NTSR1: variants seen among roughly 807,000 people sequenced by gnomAD.
NTSR1 encodes neurotensin receptor 1, also known as neurotensin receptor type 1.
NTSR1 carries 29 observed loss-of-function variants against 31.2 expected under a neutral mutation model. That is an observed-to-expected ratio of 0.93 (90% CI 0.69 to 1.27). NTSR1 has a LOEUF of 1.27. NTSR1 is among the 50% of genes most tolerant of loss of function. The pLI is 0.00. For synonymous variants in NTSR1, 282 were observed against 269.9 expected (o/e 1.04, Z -0.44); for missense variants, 697 against 595.4 (o/e 1.17, Z -1.78).
chr20:62,727,979 G>A (rs558057298), intron 1 of NTSR1, among the ~76,000 whole-genome samples: 1 of 152,384 alleles, frequency 6.6e-6, no homozygotes, highest in Non-Finnish European at 1.5e-5. Context: ...TGGGGACCCA[G>A]CGAGGCCTCA....
chr20:62,731,421 AT>A (rs1266363055), intron 1 of NTSR1, among the ~76,000 whole-genome samples: 5 of 151,948 alleles, frequency 3.3e-5, no homozygotes, highest in African/African-American at 4.8e-5. Context: ...CAGCTTATTC[AT>A]TTTTTTTGTG....
Position 62,711,882 on chromosome 20 carries a change from C to T in NTSR1, c.714+1961C>T, listed in dbSNP as rs376935673. 1.1e-3 allele frequency among the ~76,000 whole-genome samples: 170 copies of T among 152,340 alleles called. No individual in the cohort carries two copies. Among genetic ancestry groups the T allele is most frequent in the African/African-American group, 4.1e-3 (169 of 41,582 alleles). On this transcript the variant is annotated intron_variant, in intron 1 of 3. Transcript: ENST00000370501. This position sits in a 1 kb window ranked among gnomAD's most constrained non-coding sequence, Gnocchi z 6.4. ...GTCACGCTACGGCCGGCCACAGGCA[C>T]TCGTCCAATCGCAGAGGCCTGTGAC...
intron 1 of NTSR1, among the ~76,000 whole-genome samples, chr20:62,726,547 G>A (rs537058226): frequency 6.6e-6 from 1 of 152,328 alleles, no homozygotes; most frequent in East Asian, 1.9e-4. Context: ...AGGATGCTGA[G>A]ATTGCCTGGG....
chr20:62,721,358 A>T (rs1467977771), intron 1 of NTSR1, among the ~76,000 whole-genome samples: 1 of 152,166 alleles, frequency 6.6e-6, no homozygotes, highest in Non-Finnish European at 1.5e-5. Flanking sequence ...TTTCCTTGAG[A>T]GTTAGTCCCA....
chr20:62,749,817 G>A lies in NTSR1; in HGVS notation c.715-4868G>A, dbSNP rs140534883. On this transcript the variant is annotated intron_variant, in intron 1 of 3. Coordinates refer to ENST00000370501, the MANE Select transcript of NTSR1 (RefSeq NM_002531.3). ...TAACTCGTGGTGGGGACAATGTGGC[G>A]AAAAGGGGGCCCCGGTGCACTGTTG... Among the ~76,000 whole-genome samples the A allele has an allele frequency of 2.0e-3, 310 of 152,236 alleles. 7 individuals carry two copies. In the South Asian group the frequency reaches 0.022, roughly 11 times the overall value.
intron 1 of NTSR1, among the ~76,000 whole-genome samples, chr20:62,737,320 G>A (rs146399761): frequency 3.8e-4 from 58 of 152,228 alleles, no homozygotes; most frequent in African/African-American, 1.3e-3. Flanking sequence ...GAGATCCTCC[G>A]GCCCACGAAG....
rs1989032673 is a variant in NTSR1, at chr20:62,733,325, G to A, written c.715-21360G>A. ...AAATTAGCACCAATTAGGGAAGAAT[G>A]AAGCTCTTGGTTCCCTCCTGAAGCA... On this transcript the variant is annotated intron_variant, in intron 1 of 3. Transcript: ENST00000370501. The surrounding 1 kb of genome is among the most constrained non-coding windows in gnomAD (Gnocchi z 5.2). 1 of 152,214 alleles carries A rather than the reference G, an allele frequency of 6.6e-6. No individual in the cohort carries two copies. The highest frequency in any genetic ancestry group is 2.4e-5 in the African/African-American group (1 of 41,446). The allele number at this position is 152,214 out of a possible 1,614,324, so 9.4% of individuals were successfully genotyped here.
intron 1 of NTSR1, among the ~76,000 whole-genome samples, chr20:62,712,995 G>A (rs1022548870): frequency 6.6e-6 from 1 of 152,188 alleles, no homozygotes; most frequent in Non-Finnish European, 1.5e-5. Context: ...CAGTGGCAGG[G>A]GCCTGGGACT....
chr20:62,715,862 C>G lies in NTSR1; in HGVS notation c.714+5941C>G, dbSNP rs1294781250. Among the ~76,000 whole-genome samples, 1 of 152,170 alleles carries G rather than the reference C, an allele frequency of 6.6e-6. No homozygotes were observed. The highest frequency in any genetic ancestry group is 2.4e-5 in the African/African-American group (1 of 41,442). On this transcript the variant is annotated intron_variant, in intron 1 of 3. Coordinates refer to ENST00000370501, the MANE Select transcript of NTSR1 (RefSeq NM_002531.3). The surrounding 1 kb of genome is among the most constrained non-coding windows in gnomAD (Gnocchi z 4.7). ...TCTGTTCTCAGGGGCACTGGGGCTC[C>G]CAGCTGGTAACATCTGATGATGGGC...
chr20:62,720,537 T>G (rs1988812870), intron 1 of NTSR1, among the ~76,000 whole-genome samples: 1 of 152,224 alleles, frequency 6.6e-6, no homozygotes, highest in South Asian at 2.1e-4. Flanking sequence ...TCTTTTCTCC[T>G]TGGGCAATAT....
intron 1 of NTSR1, among the ~76,000 whole-genome samples, chr20:62,713,383 C>T (rs768377503): frequency 2.6e-5 from 4 of 152,208 alleles, no homozygotes; most frequent in Non-Finnish European, 5.9e-5. Context: ...GCTCCAGAGG[C>T]GTCCAGGAGC....
chr20:62,728,231 T>C (rs1265246817), intron 1 of NTSR1, among the ~76,000 whole-genome samples: 1 of 152,160 alleles, frequency 6.6e-6, no homozygotes, highest in African/African-American at 2.4e-5. Context: ...ATCCGAGCCT[T>C]GATCAACAGG....
intron 1 of NTSR1, among the ~76,000 whole-genome samples, chr20:62,731,851 GC>G (rs1372919248): frequency 6.6e-6 from 1 of 152,224 alleles, no homozygotes; most frequent in Non-Finnish European, 1.5e-5. Context: ...GGGTGTGGTG[GC>G]TCACGCCTGT....
intron 1 of NTSR1, among the ~76,000 whole-genome samples, chr20:62,738,911 A>C (rs1989153645): frequency 6.6e-6 from 1 of 152,228 alleles, no homozygotes; most frequent in Non-Finnish European, 1.5e-5. Context: ...TCACTCAGCG[A>C]GGCCAAAATC....
At chr20:62,751,610 G>T (rs2147146754) in intron 1 of NTSR1, among the ~76,000 whole-genome samples, 1 of 152,372 alleles carries the variant, frequency 6.6e-6, no homozygotes. Flanking sequence ...GGCAAAGCTG[G>T]TGTCTAGCAA....
intron 1 of NTSR1, among the ~76,000 whole-genome samples, chr20:62,724,746 A>G (rs1270877394): frequency 6.6e-6 from 1 of 152,170 alleles, no homozygotes; most frequent in East Asian, 1.9e-4. Context: ...GAGGCCTGAA[A>G]TCAGGGTCCC....
intron 1 of NTSR1, among the ~76,000 whole-genome samples, chr20:62,725,641 G>C (rs766487385): frequency 2.6e-5 from 4 of 152,216 alleles, no homozygotes; most frequent in Non-Finnish European, 4.4e-5. Context: ...GCTGGTTGGA[G>C]GTGCCAGCTG....
In NTSR1 at chr20:62,733,406, A is replaced by G. The variant is rs965665949; in HGVS notation, c.715-21279A>G. Among the ~76,000 whole-genome samples, 6 of 152,166 alleles carry G rather than the reference A, an allele frequency of 3.9e-5. No individual in the cohort carries two copies. The highest frequency in any genetic ancestry group is 1.4e-4 in the African/African-American group (6 of 41,458). ...GGAGCAAATGAGCATCTCTCGGGAC[A>G]GTTGTGTTTCCCTTGGGCAGGGAGC... On this transcript the variant is annotated intron_variant, in intron 1 of 3. Transcript: ENST00000370501. This position sits in a 1 kb window ranked among gnomAD's most constrained non-coding sequence, Gnocchi z 5.2.
rs531845541 is a variant in NTSR1, at chr20:62,762,641, C to T, written c.*2374C>T. On this transcript the variant is annotated 3_prime_UTR_variant, in exon 4 of 4. Coordinates refer to ENST00000370501, the MANE Select transcript of NTSR1 (RefSeq NM_002531.3). ...TGCGTCGGTCATGGAGTCCGGAGCCCCTGAGCCGGCCCCTGGTGACGGCAC... is the reference window on the plus strand; with the variant it reads ...TGCGTCGGTCATGGAGTCCGGAGCCTCTGAGCCGGCCCCTGGTGACGGCAC... The T allele has an allele frequency of 2.0e-5, 3 of 152,266 alleles. No individual in the cohort carries two copies. Among genetic ancestry groups the T allele is most frequent in the African/African-American group, 7.2e-5 (3 of 41,552 alleles). The allele number at this position is 152,266 out of a possible 1,614,324, so 9.4% of individuals were successfully genotyped here.
Sources: allele counts gnomAD v4.1 joint callset (sites outside exome capture counted in the v4.1 genomes callset), GRCh38; gene constraint gnomAD v4.1.1; non-coding constraint Gnocchi (gnomAD v3.1); transcripts MANE v1.5; gene names NCBI Gene and HGNC (gene_info 2026-07-23, HGNC 2026-07-21).